The following ZNF33B variants were observed in gnomAD, a reference collection of about 807,000 sequenced individuals.
ZNF33B encodes zinc finger protein 33B, also known as zinc finger protein 11b (KOX 2).
In ZNF33B, 29 loss-of-function variants were observed where a neutral mutation model predicts 45.8. The observed-to-expected ratio is 0.63, with a 90% CI of 0.47 to 0.86. ZNF33B has a LOEUF of 0.86. Ranked by LOEUF, ZNF33B falls within the 40% of genes least tolerant of loss-of-function variation. The probability of loss-of-function intolerance (pLI) is 0.00; values close to 1 mark genes in which losing one functional copy is unlikely to be tolerated. For synonymous variants in ZNF33B, 305 were observed against 307.8 expected, an observed-to-expected ratio of 0.99 and a Z score of 0.10; for missense variants, 831 against 909.9, an observed-to-expected ratio of 0.91 and a Z score of 1.12.
downstream of ZNF33B, among the ~76,000 whole-genome samples, chr10:42,586,325 A>AT (rs1293299976): frequency 1.3e-5 from 2 of 151,732 alleles, no homozygotes; most frequent in Non-Finnish European, 2.9e-5. Context: ...GGCTTTTTGT[A>AT]TTTTTAGTAG....
At chr10:42,617,092 CTTTTTTTTTTTTTTTT>C (rs199977911) in intron 4 of ZNF33B, among the ~76,000 whole-genome samples, 28 of 61,212 alleles carry the variant, frequency 4.6e-4, no homozygotes, top group Admixed American at 1.4e-3. Flanking sequence ...CATTTTTTCT[CTTTTTTTTTTTTTTTT>C]TTTTTTTTTT....
chr10:42,626,230 C>T (rs1242863015), intron 4 of ZNF33B, among the ~76,000 whole-genome samples: 1 of 152,076 alleles, frequency 6.6e-6, no homozygotes, highest in African/African-American at 2.4e-5. Context: ...AAGTAAATCC[C>T]ACTTGTTTAT....
chr10:42,636,830 A>G, intron 2 of ZNF33B, 90 bp downstream of exon 2: 1 of 1,574,434 alleles, frequency 6.4e-7, no homozygotes, highest in South Asian at 1.1e-5. Context: ...TCCATGTCAC[A>G]AACAAAACAA....
chr10:42,597,401 AAC>A lies in ZNF33B; in HGVS notation c.251-2704_251-2703del, dbSNP rs756182522. 8.4e-4 allele frequency among the ~76,000 whole-genome samples: 128 copies of A among 152,236 alleles called. 1 individual carries two copies. The highest frequency in any genetic ancestry group is 6.8e-3 in the Middle Eastern group (2 of 294). On this transcript the variant is annotated intron_variant, in intron 4 of 4. Transcript: ENST00000359467. ...CAACATAAATTTACAAATCACAAAA[AAC>A]AGTTTTGTTGTAATAAACTTTAAAT...
intron 4 of ZNF33B, among the ~76,000 whole-genome samples, chr10:42,615,676 C>A (rs548384088): frequency 6.6e-6 from 1 of 152,288 alleles, no homozygotes; most frequent in South Asian, 2.1e-4. Context: ...ATAATCCTGG[C>A]ACTTTGAGAG....
At chr10:42,603,322 G>C (rs943853476) in intron 4 of ZNF33B, among the ~76,000 whole-genome samples, 13 of 152,190 alleles carry the variant, frequency 8.5e-5, no homozygotes, top group African/African-American at 2.7e-4. Flanking sequence ...TTGGGTGAGT[G>C]CAAGCCTAAG....
intron 4 of ZNF33B, among the ~76,000 whole-genome samples, chr10:42,606,064 C>T (rs1409571680): frequency 6.6e-6 from 1 of 151,526 alleles, no homozygotes; most frequent in Non-Finnish European, 1.5e-5. Context: ...TACCACTGCA[C>T]TCCAGCCTCA....
chr10:42,604,921 C>CA (rs199627927), intron 4 of ZNF33B, among the ~76,000 whole-genome samples: 1,064 of 92,208 alleles, frequency 0.012, 33 homozygotes, highest in East Asian at 0.11. Context: ...AATTTCATCT[C>CA]AAAAAAAAAA....
chr10:42,613,249 TGAAGGTAAATG>T (rs1432456646), intron 4 of ZNF33B, among the ~76,000 whole-genome samples: 2 of 152,126 alleles, frequency 1.3e-5, no homozygotes, highest in East Asian at 3.9e-4. Context: ...GAAAGAATAA[TGAAGGTAAATG>T]GAAGGCCAGG....
intron 1 of ZNF33B, among the ~76,000 whole-genome samples, chr10:42,580,131 T>C (rs1270757295): frequency 3.3e-5 from 5 of 152,222 alleles, no homozygotes; most frequent in African/African-American, 7.2e-5. Flanking sequence ...TAAGTTGTCA[T>C]TGATACCTGG....
chr10:42,583,651 G>A (rs780049082), intron 1 of ZNF33B, among the ~76,000 whole-genome samples: 1 of 152,086 alleles, frequency 6.6e-6, no homozygotes, highest in African/African-American at 2.4e-5. Context: ...AATAGTCTAT[G>A]GTCTCCACTT....
At chr10:42,610,322 T>A (rs1838048050) in intron 4 of ZNF33B, among the ~76,000 whole-genome samples, 1 of 152,094 alleles carries the variant, frequency 6.6e-6, no homozygotes, top group African/African-American at 2.4e-5. Flanking sequence ...GATCACCTGA[T>A]GTCAGGAGGT....
intron 4 of ZNF33B, among the ~76,000 whole-genome samples, chr10:42,625,036 T>TA (rs1838741331): frequency 1.6e-5 from 1 of 63,584 alleles, no homozygotes. Flanking sequence ...TTGTTTCATA[T>TA]TTTATATATA....
intron 4 of ZNF33B, among the ~76,000 whole-genome samples, chr10:42,602,310 G>GTT (rs374878810): frequency 4.2e-4 from 59 of 140,964 alleles, no homozygotes; most frequent in Admixed American, 1.7e-3. Flanking sequence ...ATTTTGATTT[G>GTT]TTTTTTTTTT....
chr10:42,636,479 A>G (rs1489123668), intron 2 of ZNF33B, among the ~76,000 whole-genome samples: 1 of 152,064 alleles, frequency 6.6e-6, no homozygotes, highest in Non-Finnish European at 1.5e-5. Context: ...GTTACTTTAT[A>G]TTTTCTGGGA....
chr10:42,635,076 C>T (rs1839226809), intron 2 of ZNF33B, among the ~76,000 whole-genome samples: 1 of 152,022 alleles, frequency 6.6e-6, no homozygotes, highest in African/African-American at 2.4e-5. Flanking sequence ...AACCCCATCT[C>T]TATTAAAATA....
intron 1 of ZNF33B, among the ~76,000 whole-genome samples, chr10:42,580,736 T>C (rs1836811078): frequency 6.6e-6 from 1 of 151,276 alleles, no homozygotes; most frequent in African/African-American, 2.4e-5. Context: ...CTGGCCAAGA[T>C]GGTGAGACCC....
At chr10:42,585,251 C>T (rs778068956), downstream of ZNF33B, among the ~76,000 whole-genome samples, 1 of 152,218 alleles carries the variant, frequency 6.6e-6, no homozygotes, top group Non-Finnish European at 1.5e-5. Context: ...GCAGTGGATA[C>T]CTTTGCTGAA....
At chr10:42,623,153 G>A (rs978680152) in intron 4 of ZNF33B, among the ~76,000 whole-genome samples, 2 of 152,218 alleles carry the variant, frequency 1.3e-5, no homozygotes, top group African/African-American at 4.8e-5. Context: ...TGTAGTCCCA[G>A]CTACTCGGGA....
Sources: gnomAD v4.1 joint callset for allele counts (sites outside exome capture counted in the v4.1 genomes callset) on GRCh38, gnomAD v4.1.1 for gene constraint, MANE v1.5 for transcripts, NCBI Gene and HGNC (gene_info 2026-07-23, HGNC 2026-07-21) for gene names.